KCNIP4: variants seen among roughly 807,000 people sequenced by gnomAD.
The protein encoded by KCNIP4 is potassium voltage-gated channel interacting protein 4, also known as Kv channel-interacting protein 4.
In KCNIP4, 12 loss-of-function variants were observed where a neutral mutation model predicts 34.0. The ratio of observed to expected loss-of-function variants is 0.35; its 90% CI spans 0.23 to 0.57. The LOEUF (loss-of-function observed/expected upper bound fraction) is 0.57, where lower values mean the gene tolerates loss of function less well. Among genes scored for constraint, KCNIP4 ranks in the 20% least tolerant of loss-of-function variants. The pLI, the probability that KCNIP4 is intolerant of heterozygous loss-of-function variation, is 0.83. For synonymous variants in KCNIP4, 124 were observed against 102.2 expected, an observed-to-expected ratio of 1.21 and a Z score of -1.29; for missense variants, 238 against 311.7, an observed-to-expected ratio of 0.76 and a Z score of 1.78.
At chr4:20,979,858 A>G (rs1735899041) in intron 1 of KCNIP4, among the ~76,000 whole-genome samples, 1 of 152,162 alleles carries the variant, frequency 6.6e-6, no homozygotes, top group African/African-American at 2.4e-5. Flanking sequence ...GTTGAACCCC[A>G]AGTAACTTGT....
At position 21,338,414 on chromosome 4, in the gene KCNIP4, A is replaced by G. The variant is rs138194454; in HGVS notation, c.62-455705T>C. On this transcript the variant is annotated intron_variant, in intron 1 of 8. Coordinates refer to ENST00000382152, the MANE Select transcript of KCNIP4 (RefSeq NM_025221.6). ...AAATACATTGCTGAGTGCATAGTGC[A>G]TTGCTATCCTAAAGAAAATCAGGAA... Among the ~76,000 whole-genome samples, 411 of 151,920 alleles carry G rather than the reference A, an allele frequency of 2.7e-3. 1 individual carries two copies. Among genetic ancestry groups the G allele is most frequent in the African/African-American group, 9.2e-3 (380 of 41,456 alleles).
intron 1 of KCNIP4, among the ~76,000 whole-genome samples, chr4:21,139,740 T>C (rs1409282070): frequency 2.9e-5 from 1 of 35,002 alleles, no homozygotes; most frequent in East Asian, 3.8e-4. Flanking sequence ...TGTCTTTCTC[T>C]CCGTCCGTCC....
At chr4:21,377,052 G>GA (rs1721026064) in intron 1 of KCNIP4, among the ~76,000 whole-genome samples, 1 of 152,026 alleles carries the variant, frequency 6.6e-6, no homozygotes, top group Non-Finnish European at 1.5e-5. Context: ...AATTAAATTA[G>GA]AAAAATCATT....
At chr4:21,782,357 C>T (rs530737124) in intron 1 of KCNIP4, among the ~76,000 whole-genome samples, 1 of 152,188 alleles carries the variant, frequency 6.6e-6, no homozygotes, top group African/African-American at 2.4e-5. Flanking sequence ...AATCATACAT[C>T]TAGGCACTTA....
intron 1 of KCNIP4, among the ~76,000 whole-genome samples, chr4:21,158,385 T>C (rs747231483): frequency 6.6e-6 from 1 of 152,156 alleles, no homozygotes; most frequent in Non-Finnish European, 1.5e-5. Context: ...CTGATGACCA[T>C]TGGTGCAAAA....
chr4:21,464,747 C>T (rs1030513798), intron 1 of KCNIP4: 7 of 152,154 alleles, frequency 4.6e-5, no homozygotes, highest in South Asian at 2.1e-4. Context: ...TTGAGCAACG[C>T]TATACACCAG....
At chr4:20,936,963 C>G (rs957134440) in intron 1 of KCNIP4, among the ~76,000 whole-genome samples, 1 of 152,000 alleles carries the variant, frequency 6.6e-6, no homozygotes, top group Non-Finnish European at 1.5e-5. Context: ...GCAGGTAGAT[C>G]AGTGTGCTGA....
chr4:21,775,852 C>T (rs191477239), intron 1 of KCNIP4, among the ~76,000 whole-genome samples: 44 of 152,326 alleles, frequency 2.9e-4, no homozygotes, highest in African/African-American at 1.0e-3. Flanking sequence ...GGGTGCCGCC[C>T]TTCCCCTGAC....
chr4:21,073,681 G>A (rs1342023719), intron 1 of KCNIP4, among the ~76,000 whole-genome samples: 2 of 152,198 alleles, frequency 1.3e-5, no homozygotes, highest in Non-Finnish European at 2.9e-5. Context: ...ATGTTGAATA[G>A]GAGTGGTGGG....
chr4:21,824,368 T>C (rs1285299359), intron 1 of KCNIP4, among the ~76,000 whole-genome samples: 1 of 152,148 alleles, frequency 6.6e-6, no homozygotes, highest in African/African-American at 2.4e-5. Context: ...GGCCGCAAGA[T>C]TCTGAACTTC....
chr4:20,828,302 C>G lies in KCNIP4; in HGVS notation c.288+22241G>C, dbSNP rs574959317. 3.3e-4 allele frequency among the ~76,000 whole-genome samples: 51 copies of G among 152,268 alleles called. 1 individual carries two copies. Among genetic ancestry groups the G allele is most frequent in the Non-Finnish European group, 7.4e-5 (5 of 68,024 alleles). On this transcript the variant is annotated intron_variant, in intron 3 of 8. Coordinates refer to ENST00000382152, the MANE Select transcript of KCNIP4 (RefSeq NM_025221.6). Reference sequence around the variant, plus strand: ...ATTAGCTGGGTGTGGCAGTGTGTGCCTGTAATCCCAGCTGCTCAGGAGTCT... The same window carrying G: ...ATTAGCTGGGTGTGGCAGTGTGTGCGTGTAATCCCAGCTGCTCAGGAGTCT...
At chr4:21,130,818 C>A (rs931404067) in intron 1 of KCNIP4, among the ~76,000 whole-genome samples, 1 of 152,174 alleles carries the variant, frequency 6.6e-6, no homozygotes, top group Non-Finnish European at 1.5e-5. Flanking sequence ...CCCACTTAGA[C>A]ATCCAAAGAA....
intron 1 of KCNIP4, among the ~76,000 whole-genome samples, chr4:21,759,247 T>A (rs1717883411): frequency 6.6e-6 from 1 of 152,328 alleles, no homozygotes; most frequent in African/African-American, 2.4e-5. Flanking sequence ...AGTGATATGA[T>A]CAGTGAATAG....
rs2109027880 is a variant in KCNIP4, at chr4:21,948,669, T to G, written c.-38A>C. 3 of 1,601,908 alleles carry G rather than the reference T, an allele frequency of 1.9e-6. No homozygotes were observed. Among genetic ancestry groups the G allele is most frequent in the Admixed American group, 1.7e-5 (1 of 58,924 alleles). On this transcript the variant is annotated 5_prime_UTR_variant, in exon 1 of 9. Coordinates refer to ENST00000382152, the MANE Select transcript of KCNIP4 (RefSeq NM_025221.6). ...AGGGTGCAGAAGCGAGACTCGAGAG[T>G]CCACCGGCCAGGGGCGTCTGTCCAC... is the stretch of plus-strand genomic sequence containing the variant.
At chr4:21,288,399 A>G (rs762181287) in intron 1 of KCNIP4, among the ~76,000 whole-genome samples, 2 of 152,196 alleles carry the variant, frequency 1.3e-5, no homozygotes, top group Admixed American at 6.5e-5. Flanking sequence ...AGTCCCTATC[A>G]TTATTACAGA....
chr4:21,153,476 T>A (rs1253209769), intron 1 of KCNIP4, among the ~76,000 whole-genome samples: 1 of 145,684 alleles, frequency 6.9e-6, no homozygotes, highest in Non-Finnish European at 1.5e-5. Context: ...TTTATATATA[T>A]ACATATATAT....
chr4:20,940,789 T>C (rs913843939), intron 1 of KCNIP4, among the ~76,000 whole-genome samples: 4 of 152,210 alleles, frequency 2.6e-5, no homozygotes, highest in East Asian at 1.9e-4. Flanking sequence ...ACTACCTTTG[T>C]CCATGTTGTT....
At chr4:21,024,930 T>C (rs1740391497) in intron 1 of KCNIP4, among the ~76,000 whole-genome samples, 1 of 152,194 alleles carries the variant, frequency 6.6e-6, no homozygotes, top group Non-Finnish European at 1.5e-5. Context: ...TTTACAAATT[T>C]TAAGAGGAAA....
At chr4:21,628,536 C>T (rs73254387) in intron 1 of KCNIP4, among the ~76,000 whole-genome samples, 4,424 of 152,274 alleles carry the variant, frequency 0.029, 70 homozygotes, top group South Asian at 0.071. Context: ...GAGAGCAAGA[C>T]GGTCTCTGCA....
Sources: allele counts gnomAD v4.1 joint callset (sites outside exome capture counted in the v4.1 genomes callset), GRCh38; gene constraint gnomAD v4.1.1; transcripts MANE v1.5; gene names NCBI Gene and HGNC (gene_info 2026-07-23, HGNC 2026-07-21).